The following C11orf42 variants were observed in gnomAD, a reference collection of about 807,000 sequenced individuals.
C11orf42 encodes uncharacterized protein C11orf42.
A neutral mutation model predicts 27.9 loss-of-function variants in C11orf42; 24 were observed. The observed-to-expected ratio is 0.86, with a 90% CI of 0.62 to 1.21. The LOEUF (loss-of-function observed/expected upper bound fraction) is 1.21, where lower values mean the gene tolerates loss of function less well. Among genes scored for constraint, C11orf42 ranks in the 50% most tolerant of loss-of-function variants. C11orf42 has a pLI of 0.00. For missense variants in C11orf42, 455 were observed against 424.1 expected (o/e 1.07, Z -0.64); for synonymous variants, 187 against 180.8 (o/e 1.03, Z -0.28).
Position 6,205,558 on chromosome 11 carries a change from G to A in C11orf42, c.-58G>A, listed in dbSNP as rs566075466. On this transcript the variant is annotated 5_prime_UTR_variant, in exon 1 of 3. Transcript: ENST00000316375. ...CAAGACCTCAGGTCTCACCTCCCTG[G>A]GCTGCCTGGGGTTCCTGCAGCAGCC... 5 of 1,383,966 alleles carry A rather than the reference G, an allele frequency of 3.6e-6. No homozygotes were observed. Among genetic ancestry groups the A allele is most frequent in the Non-Finnish European group, 5.1e-6 (5 of 978,848 alleles). 85.7% of individuals were successfully genotyped at this position (1,383,966 alleles called of 1,614,324 possible).
At chr11:6,207,720 G>GC (rs1274690930) in intron 1 of C11orf42, among the ~76,000 whole-genome samples, 1 of 152,202 alleles carries the variant, frequency 6.6e-6, no homozygotes, top group Non-Finnish European at 1.5e-5. Flanking sequence ...TATTCCTTCA[G>GC]CCAGGTGACA....
chr11:6,205,655 G>A lies in C11orf42; in HGVS notation c.40G>A (p.Ala14Thr). ...GTPNLLTLDE[A>T]DATWTLIKDK... is the part of the protein sequence containing the mutation. Reference sequence around the variant, plus strand: ...CCCCAACCTGCTGACACTGGATGAAGCTGATGCCACCTGGACCCTCATCAA... The same window carrying A: ...CCCCAACCTGCTGACACTGGATGAAACTGATGCCACCTGGACCCTCATCAA... Residue 14 changes from alanine (A) to threonine (T), a missense_variant, in exon 1 of 3, where the codon GCT becomes ACT. Coordinates refer to ENST00000316375, the MANE Select transcript of C11orf42 (RefSeq NM_173525.3). The A allele has an allele frequency of 1.2e-6, 2 of 1,613,982 alleles. No homozygotes were observed. Among genetic ancestry groups the A allele is most frequent in the Non-Finnish European group, 1.7e-6 (2 of 1,179,916 alleles).
In C11orf42 at chr11:6,210,389, T is replaced by C. The variant is rs1397353892; in HGVS notation, c.612T>C (p.Ser204=). The C allele has an allele frequency of 6.2e-7, 1 of 1,614,190 alleles. No homozygotes were observed. Among genetic ancestry groups the C allele is most frequent in the Admixed American group, 1.7e-5 (1 of 60,032 alleles). ...CCTGCCTCAAGTTTTCACTGCAGTC[T>C]AAGGGCGTGCTGGGACCACAGAAGC... ...AFSCLKFSLQ[S]KGVLGPQKPL... is the part of the protein sequence containing the mutation. The change falls in exon 2 of 3, where the codon TCT becomes TCC. Residue 204 remains serine, a synonymous_variant. Coordinates refer to ENST00000316375, the MANE Select transcript of C11orf42 (RefSeq NM_173525.3). The surrounding 1 kb of genome is among the most constrained non-coding windows in gnomAD (Gnocchi z 4.0).
chr11:6,206,763 T>G (rs1042989333), intron 1 of C11orf42, among the ~76,000 whole-genome samples: 2 of 152,072 alleles, frequency 1.3e-5, no homozygotes, highest in African/African-American at 2.4e-5. Flanking sequence ...CAAGCAGAAT[T>G]AGATTGAAAA....
At position 6,209,780 on chromosome 11, in the gene C11orf42, G is replaced by T. The variant is rs1590595044; in HGVS notation, c.73-70G>T. 3.5e-6 allele frequency: 5 copies of T among 1,440,362 alleles called. No homozygotes were observed. The East Asian group carries it at 1.2e-4, about 33-fold the overall frequency. 89.2% of individuals were successfully genotyped at this position (1,440,362 alleles called of 1,614,324 possible). A position where few individuals can be genotyped will look rare whatever the true frequency, so the allele number is the denominator to read the frequency against. ...GATGTAACTGAACGTGAACCTGGGG[G>T]TCAATTTAAAGTAGGCAACCAGTTA... On this transcript the variant is annotated intron_variant, in intron 1 of 2. Transcript: ENST00000316375.
In C11orf42 at chr11:6,210,191, G is replaced by C; in HGVS notation, c.414G>C (p.Leu138Phe). 1.2e-6 allele frequency: 2 copies of C among 1,614,208 alleles called. No individual in the cohort carries two copies. Among genetic ancestry groups the C allele is most frequent in the South Asian group, 2.2e-5 (2 of 91,086 alleles). ...TGCGCAAGAAGGTTGCCTTCCTGTTGCTGCCACCAGGGCAGGTGAGCCTAC... is the reference window on the plus strand; with the variant it reads ...TGCGCAAGAAGGTTGCCTTCCTGTTCCTGCCACCAGGGCAGGTGAGCCTAC... Reference protein sequence around the residue: ...GDLRKKVAFLLLPPGQVSLQQ... With the variant: ...GDLRKKVAFLFLPPGQVSLQQ... The change falls in exon 2 of 3, where the codon TTG (leucine) becomes TTC (phenylalanine). Residue 138 changes from leucine (L) to phenylalanine (F), a missense_variant. Transcript: ENST00000316375. This position sits in a 1 kb window ranked among gnomAD's most constrained non-coding sequence, Gnocchi z 4.0.
chr11:6,209,382 C>T (rs1444090389), intron 1 of C11orf42, among the ~76,000 whole-genome samples: 2 of 151,998 alleles, frequency 1.3e-5, no homozygotes. Flanking sequence ...CCTAAATGTG[C>T]CCCCCTTGAT....
At chr11:6,206,678 C>T (rs1308331135) in intron 1 of C11orf42, among the ~76,000 whole-genome samples, 4 of 152,114 alleles carry the variant, frequency 2.6e-5, no homozygotes, top group Non-Finnish European at 2.9e-5. Flanking sequence ...GAAGCAAAAA[C>T]TGGAGAGCTC....
chr11:6,210,819 G>C lies in C11orf42; in HGVS notation c.872-93G>C. 1 of 1,453,914 alleles carries C rather than the reference G, an allele frequency of 6.9e-7. No individual in the cohort carries two copies. 90.1% of individuals were successfully genotyped at this position (1,453,914 alleles called of 1,614,324 possible). ...AGATGGAATGAGGAGGCCCTAGGAA[G>C]GGGATTGGGATGGCACAGAGGACCA... On this transcript the variant is annotated intron_variant, in intron 2 of 2. Transcript: ENST00000316375. This position sits in a 1 kb window ranked among gnomAD's most constrained non-coding sequence, Gnocchi z 4.0.
chr11:6,206,681 G>A (rs1359875072), intron 1 of C11orf42, among the ~76,000 whole-genome samples: 2 of 152,140 alleles, frequency 1.3e-5, no homozygotes, highest in Admixed American at 1.3e-4. Flanking sequence ...GCAAAAACTG[G>A]AGAGCTCAAG....
chr11:6,205,842 T>C (rs1846973295), intron 1 of C11orf42, among the ~76,000 whole-genome samples, 155 bp downstream of exon 1: 1 of 152,194 alleles, frequency 6.6e-6, no homozygotes, highest in South Asian at 2.1e-4. Context: ...AGTAAAGTTA[T>C]TGGCACGAAC....
At position 6,210,870 on chromosome 11, in the gene C11orf42, A is replaced by G; in HGVS notation, c.872-42A>G. On this transcript the variant is annotated intron_variant, in intron 2 of 2. Coordinates refer to ENST00000316375, the MANE Select transcript of C11orf42 (RefSeq NM_173525.3). This position sits in a 1 kb window ranked among gnomAD's most constrained non-coding sequence, Gnocchi z 4.0. ...GAGGGAAAAGCTAGGGGGGGAAAAG[A>G]CCAGCCATGAGTCAAGCTGTGACTA... The G allele has an allele frequency of 6.5e-7, 1 of 1,545,986 alleles. No individual in the cohort carries two copies. The highest frequency in any genetic ancestry group is 1.4e-5 in the African/African-American group (1 of 72,030).
At position 6,210,423 on chromosome 11, in the gene C11orf42, A is replaced by G. The variant is rs780890038; in HGVS notation, c.646A>G (p.Lys216Glu). The change falls in exon 2 of 3, where the codon AAA becomes GAA. Residue 216 changes from lysine (K) to glutamate (E), a missense_variant. By Grantham distance (56) the Lys-to-Glu change is moderately conservative. Transcript: ENST00000316375. The surrounding 1 kb of genome is among the most constrained non-coding windows in gnomAD (Gnocchi z 4.0). ...GVLGPQKPLT[K>E]DPLPHGANWV... ...GCTGGGACCACAGAAGCCTCTCACTAAAGACCCATTGCCCCATGGGGCCAA... is the reference window on the plus strand; with the variant it reads ...GCTGGGACCACAGAAGCCTCTCACTGAAGACCCATTGCCCCATGGGGCCAA... 9.9e-6 allele frequency: 16 copies of G among 1,614,028 alleles called. No homozygotes were observed. The highest frequency in any genetic ancestry group is 3.3e-4 in the Middle Eastern group (2 of 6,084).
rs765545413 is a variant in C11orf42 at position 6,205,670 on chromosome 11, A to T, written c.55A>T (p.Thr19Ser). 9.9e-6 allele frequency: 16 copies of T among 1,613,642 alleles called. No homozygotes were observed. Among genetic ancestry groups the T allele is most frequent in the Middle Eastern group, 1.6e-4 (1 of 6,084 alleles). Residue 19 changes from threonine (T) to serine (S), a missense_variant, in exon 1 of 3, where the codon ACC becomes TCC. Physicochemically the swap from Thr to Ser is moderately conservative, Grantham distance 58. Transcript: ENST00000316375. ...LTLDEADATW[T>S]LIKDKVIEEH... ...ACTGGATGAAGCTGATGCCACCTGG[A>T]CCCTCATCAAGGATAAGGTAGGTAA...
chr11:6,209,173 CAAAAAA>C (rs59276219), intron 1 of C11orf42, among the ~76,000 whole-genome samples: 49 of 124,140 alleles, frequency 3.9e-4, no homozygotes, highest in Non-Finnish European at 5.2e-4. Flanking sequence ...AGAACCGACT[CAAAAAA>C]AAAAAAAAAA....
In C11orf42 at chr11:6,210,078, T is replaced by C. The variant is rs1174082143; in HGVS notation, c.301T>C (p.Ser101Pro). 6.2e-7 allele frequency: 1 copy of C among 1,614,096 alleles called. No homozygotes were observed. The highest frequency in any genetic ancestry group is 1.3e-5 in the African/African-American group (1 of 74,934). Reference protein sequence around the residue: ...GAFAHCTREYSPNGRAERAYE... With the variant: ...GAFAHCTREYPPNGRAERAYE... Reference sequence around the variant, plus strand: ...CTTCGCCCACTGCACTCGGGAATACTCACCAAATGGCCGAGCAGAGAGAGC... The same window carrying C: ...CTTCGCCCACTGCACTCGGGAATACCCACCAAATGGCCGAGCAGAGAGAGC... The change falls in exon 2 of 3, where the codon TCA (serine) becomes CCA (proline). Residue 101 changes from serine (S) to proline (P), a missense_variant. Ser to Pro is a moderately conservative substitution (Grantham distance 74). Transcript: ENST00000316375. The surrounding 1 kb of genome is among the most constrained non-coding windows in gnomAD (Gnocchi z 4.0).
Position 6,210,432 on chromosome 11 carries a change from T to A in C11orf42, c.655T>A (p.Leu219Met). The change falls in exon 2 of 3, where the codon TTG (leucine) becomes ATG (methionine). Residue 219 changes from leucine (L) to methionine (M), a missense_variant. Coordinates refer to ENST00000316375, the MANE Select transcript of C11orf42 (RefSeq NM_173525.3). The surrounding 1 kb of genome is among the most constrained non-coding windows in gnomAD (Gnocchi z 4.0). ...ACAGAAGCCTCTCACTAAAGACCCATTGCCCCATGGGGCCAACTGGGTCAG... is the reference window on the plus strand; with the variant it reads ...ACAGAAGCCTCTCACTAAAGACCCAATGCCCCATGGGGCCAACTGGGTCAG... The part of the protein sequence containing the change: ...GPQKPLTKDP[L>M]PHGANWVRPN... The A allele has an allele frequency of 6.2e-7, 1 of 1,614,158 alleles. No individual in the cohort carries two copies. Among genetic ancestry groups the A allele is most frequent in the Non-Finnish European group, 8.5e-7 (1 of 1,180,018 alleles).
chr11:6,209,411 T>C (rs1302363556), intron 1 of C11orf42, among the ~76,000 whole-genome samples: 1 of 152,146 alleles, frequency 6.6e-6, no homozygotes, highest in Non-Finnish European at 1.5e-5. Flanking sequence ...TCAAGTTTTT[T>C]CACCGACTCT....
At chr11:6,207,788 T>G (rs1846995450) in intron 1 of C11orf42, among the ~76,000 whole-genome samples, 2 of 152,180 alleles carry the variant, frequency 1.3e-5, no homozygotes, top group African/African-American at 4.8e-5. Context: ...ACTCCATAGT[T>G]AGCTACCTTC....
Sources: gnomAD v4.1 joint callset for allele counts (sites outside exome capture counted in the v4.1 genomes callset) on GRCh38, gnomAD v4.1.1 for gene constraint, Gnocchi (gnomAD v3.1) non-coding constraint, MANE v1.5 for transcripts, NCBI Gene and HGNC (gene_info 2026-07-23, HGNC 2026-07-21) for gene names.